Variants in NEO1 observed in about 807,000 individuals in gnomAD.
The protein encoded by NEO1 is neogenin 1.
Under a neutral mutation model 159.7 loss-of-function variants are expected in NEO1, and 63 were observed. That is an observed-to-expected ratio of 0.39 (90% CI 0.32 to 0.49). The LOEUF (loss-of-function observed/expected upper bound fraction) is 0.49. NEO1 is among the 20% of genes least tolerant of loss of function. The pLI, the probability that NEO1 is intolerant of heterozygous loss-of-function variation, is 0.85. For synonymous variants in NEO1, 633 were observed against 662.0 expected, an observed-to-expected ratio of 0.96 and a Z score of 0.67; for missense variants, 1,615 against 1,831.0, an observed-to-expected ratio of 0.88 and a Z score of 2.15.
At chr15:73,253,508 G>A (rs1366254968) in intron 12 of NEO1, 59 bp downstream of exon 12, 7 of 1,198,824 alleles carry the variant, frequency 5.8e-6, no homozygotes, top group East Asian at 4.8e-5. Context: ...CCTCAGAGGG[G>A]CTTATAGAAA....
At chr15:73,289,324 C>G (rs1008271059) in intron 25 of NEO1, 86 bp downstream of exon 25, 1 of 1,124,872 alleles carries the variant, frequency 8.9e-7, no homozygotes, top group Non-Finnish European at 1.3e-6. Flanking sequence ...TTTGACTTCA[C>G]TTGATTCTAA....
intron 27 of NEO1, among the ~76,000 whole-genome samples, chr15:73,299,212 C>T (rs8029474): frequency 0.078 from 11,860 of 152,098 alleles, 552 homozygotes; most frequent in Non-Finnish European, 0.097. Flanking sequence ...CCCTTTATAG[C>T]TTAAAAGCTA....
chr15:73,190,171 A>G (rs2036160923), intron 7 of NEO1, among the ~76,000 whole-genome samples: 1 of 152,186 alleles, frequency 6.6e-6, no homozygotes, highest in South Asian at 2.1e-4. Flanking sequence ...AGTAGGAATT[A>G]AGGTAAAATG....
intron 7 of NEO1, among the ~76,000 whole-genome samples, chr15:73,231,626 C>T (rs1198268076): frequency 6.6e-6 from 1 of 152,126 alleles, no homozygotes; most frequent in African/African-American, 2.4e-5. Flanking sequence ...CCTAGCTGCT[C>T]AGGGAGGCTG....
chr15:73,095,981 T>C (rs2070004988), intron 1 of NEO1, among the ~76,000 whole-genome samples: 1 of 152,144 alleles, frequency 6.6e-6, no homozygotes, highest in Non-Finnish European at 1.5e-5. Flanking sequence ...AAACGTCAAA[T>C]TTATGGTGAA....
At chr15:73,057,929 T>C (rs1034604296) in intron 1 of NEO1, among the ~76,000 whole-genome samples, 2 of 152,150 alleles carry the variant, frequency 1.3e-5, no homozygotes, top group African/African-American at 4.8e-5. Context: ...ATACATAGAA[T>C]AAAAGATTTT....
Position 73,113,128 on chromosome 15 carries a change from CA to C in NEO1, c.131-3410del, listed in dbSNP as rs550012117. On this transcript the variant is annotated intron_variant, in intron 1 of 28. Coordinates refer to ENST00000261908, the MANE Select transcript of NEO1 (RefSeq NM_002499.4). ...TAGCTTTATACATACTTGTAACTAA[CA>C]AGTGGAGTCCCTTTACTTTGTTTTG... Among the ~76,000 whole-genome samples the C allele has an allele frequency of 4.4e-3, 664 of 151,218 alleles. 3 individuals are homozygous for C. Among genetic ancestry groups the C allele is most frequent in the African/African-American group, 0.015 (636 of 41,318 alleles).
chr15:73,219,092 G>A (rs1285548052), intron 7 of NEO1, among the ~76,000 whole-genome samples: 2 of 150,574 alleles, frequency 1.3e-5, no homozygotes, highest in Admixed American at 1.3e-4. Context: ...ACACTGCTTT[G>A]AATGCGTCCC....
At chr15:73,272,318 T>C in intron 18 of NEO1, 137 bp from the exon 19 acceptor site, 1 of 593,862 alleles carries the variant, frequency 1.7e-6, no homozygotes, top group Non-Finnish European at 3.0e-6. Context: ...ATAGACAAAC[T>C]GTGATTTCTT....
chr15:73,270,783 G>C (rs1174716715), intron 18 of NEO1, among the ~76,000 whole-genome samples: 2 of 152,204 alleles, frequency 1.3e-5, no homozygotes, highest in Admixed American at 1.3e-4. Context: ...TGCTTGCTTG[G>C]AGCCTGAACA....
chr15:73,288,231 G>A, intron 23 of NEO1, 82 bp from the exon 24 acceptor site: 1 of 1,318,184 alleles, frequency 7.6e-7, no homozygotes, highest in East Asian at 2.3e-5. Context: ...CTCTCAGAAA[G>A]GAAGTTTTAA....
chr15:73,194,405 C>T (rs2036414347), intron 7 of NEO1, among the ~76,000 whole-genome samples: 1 of 152,134 alleles, frequency 6.6e-6, no homozygotes. Context: ...CCTGGTTCTG[C>T]AGGCTGTACA....
intron 7 of NEO1, among the ~76,000 whole-genome samples, chr15:73,215,318 G>A (rs914807962): frequency 1.1e-4 from 17 of 151,700 alleles, no homozygotes; most frequent in African/African-American, 3.9e-4. Flanking sequence ...GTACTGTGTT[G>A]AAAAGAAGTG....
intron 1 of NEO1, among the ~76,000 whole-genome samples, chr15:73,094,871 C>G (rs2069910397): frequency 6.6e-6 from 1 of 152,092 alleles, no homozygotes; most frequent in Non-Finnish European, 1.5e-5. Context: ...TGTGTAATGT[C>G]TGTTTGGGTC....
chr15:73,101,012 CTTCT>C (rs1415752365), intron 1 of NEO1, among the ~76,000 whole-genome samples: 2 of 152,202 alleles, frequency 1.3e-5, no homozygotes, highest in East Asian at 3.8e-4. Flanking sequence ...TATGTTCATT[CTTCT>C]TTCTTGTTAC....
intron 28 of NEO1, 177 bp downstream of exon 28, chr15:73,301,634 G>A: frequency 1.2e-6 from 1 of 816,046 alleles, no homozygotes; most frequent in Non-Finnish European, 1.9e-6. Context: ...GCCGGGAACT[G>A]TGCTGAGGAC....
chr15:73,103,631 A>G lies in NEO1; in HGVS notation c.131-12909A>G, dbSNP rs143784419. Among the ~76,000 whole-genome samples, 83 of 152,262 alleles carry G rather than the reference A, an allele frequency of 5.5e-4. 1 individual carries two copies. In the East Asian group the frequency reaches 0.01, roughly 18 times the overall value. On this transcript the variant is annotated intron_variant, in intron 1 of 28. Transcript: ENST00000261908. ...CATATCATTGTATATGTCCTCCACT[A>G]TAAGCACTCTTAAGGGCAGATAGTA...
intron 7 of NEO1, among the ~76,000 whole-genome samples, chr15:73,216,751 A>G (rs1462421810): frequency 6.6e-6 from 1 of 152,092 alleles, no homozygotes; most frequent in Non-Finnish European, 1.5e-5. Context: ...GTGTCTGTTC[A>G]TGTCCTTCGC....
At chr15:73,120,009 G>A (rs71397276) in intron 2 of NEO1, among the ~76,000 whole-genome samples, 12,436 of 152,014 alleles carry the variant, frequency 0.082, 604 homozygotes, top group Non-Finnish European at 0.1. Flanking sequence ...GGTGGTGCCC[G>A]CCTGTAATCC....
Sources: gnomAD v4.1 joint callset for allele counts (sites outside exome capture counted in the v4.1 genomes callset) on GRCh38, gnomAD v4.1.1 for gene constraint, MANE v1.5 for transcripts, NCBI Gene and HGNC (gene_info 2026-07-23, HGNC 2026-07-21) for gene names.